CBLN2: variants seen among roughly 807,000 people sequenced by gnomAD.
CBLN2 encodes cerebellin 2 precursor.
Under a neutral mutation model 15.0 loss-of-function variants are expected in CBLN2, and 7 were observed. That is an observed-to-expected ratio of 0.47 (90% CI 0.27 to 0.88). The LOEUF is 0.88. Ranked by LOEUF, CBLN2 falls within the 40% of genes least tolerant of loss-of-function variation. The probability of loss-of-function intolerance (pLI) is 0.14; values close to 1 mark genes in which losing one functional copy is unlikely to be tolerated. For missense variants in CBLN2, 242 were observed against 304.5 expected, an observed-to-expected ratio of 0.79 and a Z score of 1.53; for synonymous variants, 149 against 135.2, an observed-to-expected ratio of 1.10 and a Z score of -0.71.
At chr18:72,546,032 G>A (rs1448165683), upstream of CBLN2, among the ~76,000 whole-genome samples, 2 of 152,148 alleles carry the variant, frequency 1.3e-5, no homozygotes. Flanking sequence ...ATAATAAACA[G>A]GTTAGGTTTA....
chr18:72,540,307 C>T (rs1031684736), intron 3 of CBLN2: 1 of 152,054 alleles, frequency 6.6e-6, no homozygotes, highest in African/African-American at 2.4e-5. Context: ...GAAAGAACAC[C>T]CAACCAGATC....
chr18:72,550,338 C>T (rs1598993664), intron 1 of CBLN2, among the ~76,000 whole-genome samples: 1 of 152,180 alleles, frequency 6.6e-6, no homozygotes, highest in African/African-American at 2.4e-5. Context: ...GATTACATTG[C>T]ACCATCATTT....
intron 1 of CBLN2, among the ~76,000 whole-genome samples, chr18:72,570,485 C>A (rs530064058): frequency 3.8e-4 from 58 of 151,592 alleles, no homozygotes; most frequent in African/African-American, 1.3e-3. Flanking sequence ...TGGGCTCAAG[C>A]AGCCCACTCA....
chr18:72,568,698 A>G (rs1403165938), intron 1 of CBLN2, among the ~76,000 whole-genome samples: 2 of 152,196 alleles, frequency 1.3e-5, no homozygotes, highest in Admixed American at 6.5e-5. Context: ...TGGAAATTCT[A>G]TTTAATGTTG....
chr18:72,616,425 T>C (rs562722614), intron 1 of CBLN2, among the ~76,000 whole-genome samples: 2 of 152,326 alleles, frequency 1.3e-5, no homozygotes, highest in Admixed American at 6.5e-5. Context: ...CCCCCTTTGC[T>C]CTGTCCAGGT....
chr18:72,602,090 G>A (rs966380072), intron 1 of CBLN2, among the ~76,000 whole-genome samples: 18 of 152,174 alleles, frequency 1.2e-4, no homozygotes, highest in African/African-American at 4.3e-4. Context: ...GACTGCACCA[G>A]GCTTGTTTGG....
intron 1 of CBLN2, among the ~76,000 whole-genome samples, chr18:72,572,571 T>C (rs1005541728): frequency 6.6e-6 from 1 of 152,290 alleles, no homozygotes; most frequent in East Asian, 1.9e-4. Flanking sequence ...TGATTTTAAC[T>C]TGAATTATCA....
At chr18:72,548,358 A>G (rs2069171880), upstream of CBLN2, among the ~76,000 whole-genome samples, 2 of 152,220 alleles carry the variant, frequency 1.3e-5, no homozygotes, top group South Asian at 4.1e-4. Flanking sequence ...GCTAGCACTA[A>G]CTAGTTATTT....
intron 1 of CBLN2, among the ~76,000 whole-genome samples, chr18:72,589,685 T>A (rs542307271): frequency 6.6e-6 from 1 of 152,368 alleles, no homozygotes; most frequent in East Asian, 1.9e-4. Context: ...ACATGAATTT[T>A]GTATAATGAG....
intron 1 of CBLN2, among the ~76,000 whole-genome samples, chr18:72,586,674 A>G (rs1599011731): frequency 1.3e-5 from 2 of 152,232 alleles, no homozygotes; most frequent in African/African-American, 2.4e-5. Flanking sequence ...GTACTCACAC[A>G]GTACGTTAGT....
chr18:72,601,283 T>C (rs750348559), intron 1 of CBLN2, among the ~76,000 whole-genome samples: 1 of 151,958 alleles, frequency 6.6e-6, no homozygotes, highest in Non-Finnish European at 1.5e-5. Flanking sequence ...TAGGATGGAG[T>C]CAACTATGTC....
At chr18:72,568,058 G>A (rs1288130442) in intron 1 of CBLN2, among the ~76,000 whole-genome samples, 1 of 151,860 alleles carries the variant, frequency 6.6e-6, no homozygotes, top group Non-Finnish European at 1.5e-5. Context: ...TTCATTTCTT[G>A]TCACTTTTTA....
At chr18:72,599,234 T>C (rs1201063864) in intron 1 of CBLN2, among the ~76,000 whole-genome samples, 1 of 152,228 alleles carries the variant, frequency 6.6e-6, no homozygotes, top group Non-Finnish European at 1.5e-5. Context: ...TTTTTAATTT[T>C]TAATGAAGTA....
chr18:72,542,735 C>T (rs1023279729), intron 2 of CBLN2, among the ~76,000 whole-genome samples: 5 of 152,150 alleles, frequency 3.3e-5, no homozygotes, highest in African/African-American at 1.2e-4. Context: ...GGAGCAGCAC[C>T]AAGGAACCCT....
At chr18:72,594,591 T>C (rs944679300) in intron 1 of CBLN2, among the ~76,000 whole-genome samples, 2 of 152,150 alleles carry the variant, frequency 1.3e-5, no homozygotes, top group African/African-American at 4.8e-5. Flanking sequence ...TTTTTTGGAA[T>C]AGTTTGAGTA....
chr18:72,590,573 A>G (rs1449687531), intron 1 of CBLN2, among the ~76,000 whole-genome samples: 1 of 152,236 alleles, frequency 6.6e-6, no homozygotes, highest in African/African-American at 2.4e-5. Context: ...AACAACAACA[A>G]CAAAACACCA....
At chr18:72,603,268 T>C (rs1334742395) in intron 1 of CBLN2, among the ~76,000 whole-genome samples, 1 of 152,234 alleles carries the variant, frequency 6.6e-6, no homozygotes, top group East Asian at 1.9e-4. Context: ...TAATAAAGTA[T>C]CTTTTCAATG....
At chr18:72,549,024 A>AT (rs1174582015), upstream of CBLN2, among the ~76,000 whole-genome samples, 1 of 151,010 alleles carries the variant, frequency 6.6e-6, no homozygotes, top group Non-Finnish European at 1.5e-5. Flanking sequence ...TTTATTTTTT[A>AT]TTTTTTTAAT....
rs932076837 is a variant in CBLN2, at chr18:72,538,349, G to C, written c.502C>G (p.Pro168Ala). ...IQVSLMQNGY[P>A]VISAFAGDQD... The stretch of plus-strand genomic sequence containing the variant: ...TCTCCTGCAAAGGCCGAGATCACTG[G>C]GTAGCCATTCTGCATTAAACTGACC... Residue 168 changes from proline (P) to alanine (A), a missense_variant, in exon 5 of 5, where the codon CCA becomes GCA. By Grantham distance (27) the Pro-to-Ala change is conservative. Around this residue, in one of 4 missense-constraint regions of CBLN2, gnomAD observed 26 missense variants for 70.3 expected, o/e 0.37. Transcript: ENST00000269503. 12 of 1,614,118 alleles carry C rather than the reference G, an allele frequency of 7.4e-6. No homozygotes were observed. Among genetic ancestry groups the C allele is most frequent in the Non-Finnish European group, 1.0e-5 (12 of 1,180,038 alleles).
Sources: allele counts gnomAD v4.1 joint callset (sites outside exome capture counted in the v4.1 genomes callset), GRCh38; gene constraint gnomAD v4.1.1; regional missense constraint gnomAD v4.1.1; transcripts MANE v1.5; gene names NCBI Gene and HGNC (gene_info 2026-07-23, HGNC 2026-07-21).